MMRN2: variants seen among roughly 807,000 people sequenced by gnomAD.
The protein encoded by MMRN2 is multimerin-2.
In MMRN2, 53 loss-of-function variants were observed where a neutral mutation model predicts 68.8. The observed-to-expected ratio is 0.77, with a 90% CI of 0.62 to 0.97. The LOEUF (loss-of-function observed/expected upper bound fraction) is 0.97, where lower values mean the gene tolerates loss of function less well. Ranked by LOEUF, MMRN2 falls within the 50% of genes least tolerant of loss-of-function variation. The probability of loss-of-function intolerance (pLI) is 0.00; values close to 1 mark genes in which losing one functional copy is unlikely to be tolerated. For missense variants in MMRN2, 1,266 were observed against 1,259.5 expected (o/e 1.01, Z -0.08); for synonymous variants, 564 against 551.6 (o/e 1.02, Z -0.32).
intron 6 of MMRN2, among the ~76,000 whole-genome samples, chr10:86,937,965 G>A (rs1179642597): frequency 1.3e-5 from 2 of 151,964 alleles, no homozygotes; most frequent in African/African-American, 4.8e-5. Context: ...GTTGATAAAG[G>A]GTCTCTTGTT....
intron 1 of MMRN2, among the ~76,000 whole-genome samples, chr10:86,955,220 C>T (rs1011748676): frequency 6.6e-6 from 1 of 152,104 alleles, no homozygotes; most frequent in Non-Finnish European, 1.5e-5. Flanking sequence ...CGGTCCCTAC[C>T]GCAGACTGAG....
chr10:86,955,041 G>C (rs912647495), intron 1 of MMRN2, among the ~76,000 whole-genome samples: 2 of 152,220 alleles, frequency 1.3e-5, no homozygotes, highest in African/African-American at 2.4e-5. Context: ...CAACCAGCCT[G>C]CTGGCAGCAG....
At position 86,942,626 on chromosome 10, in the gene MMRN2, C is replaced by T. The variant is rs1460755879; in HGVS notation, c.2158G>A (p.Gly720Arg). 6 of 1,602,242 alleles carry T rather than the reference C, an allele frequency of 3.7e-6. No individual in the cohort carries two copies. The South Asian group carries it at 4.4e-5, about 12-fold the overall frequency. The part of the protein sequence containing the change: ...NVGRCCEAEA[G>R]AGAASLNASL... ...GCGTTGAGGGAGGCGGCCCCGGCCC[C>T]GGCCTCGGCCTCGCAGCACCGCCCG... The change falls in exon 6 of 7, where the codon GGG (glycine) becomes AGG (arginine). Residue 720 changes from glycine to arginine, a missense_variant. Transcript: ENST00000372027.
chr10:86,942,216 T>A (rs1843981328), intron 6 of MMRN2, 101 bp downstream of exon 6: 1 of 1,389,630 alleles, frequency 7.2e-7, no homozygotes, highest in Non-Finnish European at 9.6e-7. Flanking sequence ...CGGATGGCCA[T>A]CCTGTTCTCT....
chr10:86,939,512 G>A (rs899831872), intron 6 of MMRN2, among the ~76,000 whole-genome samples: 12 of 150,624 alleles, frequency 8.0e-5, no homozygotes, highest in Admixed American at 7.9e-4. Context: ...CCAAGTCAGA[G>A]GCCGGCGGCT....
At chr10:86,949,575 T>G (rs1338590327) in intron 1 of MMRN2, 1 of 151,230 alleles carries the variant, frequency 6.6e-6, no homozygotes, top group Non-Finnish European at 1.5e-5. Context: ...GTGTGACACT[T>G]TAAAAATAAT....
intron 1 of MMRN2, among the ~76,000 whole-genome samples, chr10:86,946,373 G>C (rs1446398465): frequency 6.6e-6 from 1 of 152,190 alleles, no homozygotes; most frequent in Non-Finnish European, 1.5e-5. Context: ...CCAGCTCCCT[G>C]GCCATGCCCA....
intron 1 of MMRN2, among the ~76,000 whole-genome samples, chr10:86,954,633 A>G (rs1218027064): frequency 6.6e-6 from 1 of 152,232 alleles, no homozygotes; most frequent in Non-Finnish European, 1.5e-5. Flanking sequence ...CCCTGAAGCC[A>G]GCCATTAACT....
rs759713989 is a variant in MMRN2, at chr10:86,943,567, G to T, written c.1217C>A (p.Thr406Asn). 1 of 1,614,132 alleles carries T rather than the reference G, an allele frequency of 6.2e-7. No homozygotes were observed. Among genetic ancestry groups the T allele is most frequent in the Admixed American group, 1.7e-5 (1 of 60,036 alleles). ...YTLEDMRATLTRHVDEIKELY... is the reference protein window; with the variant it reads ...YTLEDMRATLNRHVDEIKELY... Reference sequence around the variant, plus strand: ...TTCCTTGATCTCATCCACGTGCCGGGTCAGGGTGGCCCTCATGTCCTCCAG... The same window carrying T: ...TTCCTTGATCTCATCCACGTGCCGGTTCAGGGTGGCCCTCATGTCCTCCAG... The change falls in exon 6 of 7, where the codon ACC becomes AAC. Residue 406 changes from threonine to asparagine, a missense_variant. Coordinates refer to ENST00000372027, the MANE Select transcript of MMRN2 (RefSeq NM_024756.3). This position sits in a 1 kb window ranked among gnomAD's most constrained non-coding sequence, Gnocchi z 4.2.
At chr10:86,956,495 G>C (rs2133690584) in intron 1 of MMRN2, among the ~76,000 whole-genome samples, 1 of 152,338 alleles carries the variant, frequency 6.6e-6, no homozygotes, top group South Asian at 2.1e-4. Flanking sequence ...TGGTGTGTGG[G>C]GGCAGGAGGG....
In MMRN2 at chr10:86,942,961, G is replaced by A; in HGVS notation, c.1823C>T (p.Ala608Val). 1.3e-6 allele frequency: 2 copies of A among 1,496,060 alleles called. No individual in the cohort carries two copies. Among genetic ancestry groups the A allele is most frequent in the African/African-American group, 1.4e-5 (1 of 69,020 alleles). The allele number at this position is 1,496,060 out of a possible 1,614,324, so 92.7% of individuals were successfully genotyped here. A position where few individuals can be genotyped will look rare whatever the true frequency, so the allele number is the denominator to read the frequency against. The change falls in exon 6 of 7, where the codon GCG (alanine) becomes GTG (valine). Residue 608 changes from alanine to valine, a missense_variant. Transcript: ENST00000372027. ...CTCCCCGAAGAGCGCGGCCAGCACC[G>A]CCTCGTGCCGCAGCGCGTCCTCCAG... ...ALLEDALRHE[A>V]VLAALFGEEV...
In MMRN2 at chr10:86,935,727, G is replaced by T. The variant is rs1018155941; in HGVS notation, c.*1016C>A. The T allele has an allele frequency of 9.2e-5, 14 of 152,176 alleles. No homozygotes were observed. The highest frequency in any genetic ancestry group is 3.1e-4 in the African/African-American group (13 of 41,402). The allele number at this position is 152,176 out of a possible 1,614,324, so 9.4% of individuals were successfully genotyped here. A position where few individuals can be genotyped will look rare whatever the true frequency, so the allele number is the denominator to read the frequency against. On this transcript the variant is annotated 3_prime_UTR_variant, in exon 7 of 7. Coordinates refer to ENST00000372027, the MANE Select transcript of MMRN2 (RefSeq NM_024756.3). ...TTTAGTTCACGTTTGGCATTTCTTG[G>T]TCTTTACCCTATGTAAGGCAAGGAG...
intron 1 of MMRN2, among the ~76,000 whole-genome samples, chr10:86,946,847 A>C (rs1844077057): frequency 6.6e-6 from 1 of 152,168 alleles, no homozygotes; most frequent in Non-Finnish European, 1.5e-5. Context: ...GGGCACTCTT[A>C]GAATGGGTGA....
At position 86,935,785 on chromosome 10, in the gene MMRN2, A is replaced by G. The variant is rs1463598780; in HGVS notation, c.*958T>C. ...CATGAAATTTAAATTACAGATAAAC[A>G]CAAGTGTATTAGTCCATTTTCACAC... On this transcript the variant is annotated 3_prime_UTR_variant, in exon 7 of 7. Transcript: ENST00000372027. The G allele has an allele frequency of 6.6e-6, 1 of 152,306 alleles. No homozygotes were observed. The highest frequency in any genetic ancestry group is 1.5e-5 in the Non-Finnish European group (1 of 68,088). 9.4% of individuals were successfully genotyped at this position (152,306 alleles called of 1,614,324 possible). A position where few individuals can be genotyped will look rare whatever the true frequency, so the allele number is the denominator to read the frequency against.
intron 3 of MMRN2, 31 bp from the exon 4 acceptor site, chr10:86,945,299 A>G (rs1448172034): frequency 5.4e-5 from 87 of 1,611,842 alleles, no homozygotes; most frequent in Non-Finnish European, 7.3e-5. Flanking sequence ...TATTGACCCC[A>G]GTGGTCAGAG....
At chr10:86,938,522 G>A (rs1210367777) in intron 6 of MMRN2, among the ~76,000 whole-genome samples, 1 of 152,250 alleles carries the variant, frequency 6.6e-6, no homozygotes, top group Non-Finnish European at 1.5e-5. Context: ...TGGTTGGGCA[G>A]CTGGGGACAG....
chr10:86,956,901 GCGCC>G (rs1844243742), intron 1 of MMRN2, among the ~76,000 whole-genome samples: 1 of 152,222 alleles, frequency 6.6e-6, no homozygotes, highest in South Asian at 2.1e-4. Flanking sequence ...CTGAGGCAGA[GCGCC>G]CTGGACTGTG....
At position 86,944,068 on chromosome 10, in the gene MMRN2, A is replaced by C. The variant is rs757757789; in HGVS notation, c.716T>G (p.Val239Gly). ...GCTCCTCCAGATGGGGCTGAAATGC[A>C]CTTGTAGGAAGGTGTCCACGTGGGG... ...LLPHVDTFLQ[V>G]HFSPIWRSFN... is the part of the protein sequence containing the mutation. Residue 239 changes from valine (V) to glycine (G), a missense_variant, in exon 6 of 7, where the codon GTG becomes GGG. Coordinates refer to ENST00000372027, the MANE Select transcript of MMRN2 (RefSeq NM_024756.3). 2 of 1,614,100 alleles carry C rather than the reference A, an allele frequency of 1.2e-6. No homozygotes were observed. Among genetic ancestry groups the C allele is most frequent in the Non-Finnish European group, 1.7e-6 (2 of 1,180,020 alleles).
At chr10:86,953,032 C>T (rs1844165626) in intron 1 of MMRN2, among the ~76,000 whole-genome samples, 1 of 152,222 alleles carries the variant, frequency 6.6e-6, no homozygotes, top group Non-Finnish European at 1.5e-5. Flanking sequence ...TATAGGCTCT[C>T]TGCAAGAAGA....
Sources: allele counts gnomAD v4.1 joint callset (sites outside exome capture counted in the v4.1 genomes callset), GRCh38; gene constraint gnomAD v4.1.1; non-coding constraint Gnocchi (gnomAD v3.1); transcripts MANE v1.5; gene names NCBI Gene and HGNC (gene_info 2026-07-23, HGNC 2026-07-21).